The following BLNK variants were observed in gnomAD, a reference collection of about 807,000 sequenced individuals.
The protein encoded by BLNK is B-cell linker protein.
In BLNK, 29 loss-of-function variants were observed where a neutral mutation model predicts 73.5. The ratio of observed to expected loss-of-function variants is 0.39; its 90% CI spans 0.29 to 0.54. The LOEUF is 0.54. Among genes scored for constraint, BLNK ranks in the 20% least tolerant of loss-of-function variants. The pLI, the probability that BLNK is intolerant of heterozygous loss-of-function variation, is 0.61. For missense variants in BLNK, 460 were observed against 562.8 expected, an observed-to-expected ratio of 0.82 and a Z score of 1.85; for synonymous variants, 176 against 200.8, an observed-to-expected ratio of 0.88 and a Z score of 1.04.
In BLNK at chr10:96,207,753, C is replaced by T. The variant is rs1349880286; in HGVS notation, c.774+119G>A. 20 of 1,260,794 alleles carry T rather than the reference C, an allele frequency of 1.6e-5. No homozygotes were observed. In the East Asian group the frequency reaches 1.9e-4, roughly 12 times the overall value. The allele number at this position is 1,260,794 out of a possible 1,614,324, so 78.1% of individuals were successfully genotyped here. ...TTCTCTTGGACTGCTTGGGCAGCAACTTCAGTTGCTAAGATTGCTGTGTTC... is the reference window on the plus strand; with the variant it reads ...TTCTCTTGGACTGCTTGGGCAGCAATTTCAGTTGCTAAGATTGCTGTGTTC... On this transcript the variant is annotated intron_variant, in intron 10 of 16. Transcript: ENST00000224337.
At chr10:96,216,857 T>C (rs919883717) in intron 6 of BLNK, 123 bp from the exon 7 acceptor site, 8 of 824,484 alleles carry the variant, frequency 9.7e-6, no homozygotes, top group Admixed American at 8.0e-5. Flanking sequence ...AATTCTACTA[T>C]GTAAATTGTA....
Position 96,191,892 on chromosome 10 carries a change from T to C in BLNK, c.*81A>G. On this transcript the variant is annotated 3_prime_UTR_variant, in exon 17 of 17. Coordinates refer to ENST00000224337, the MANE Select transcript of BLNK (RefSeq NM_013314.4). ...ACTGGATGATTCATAATCCAAAATA[T>C]GAAGTTTTGGGACTTTTTCTCAAAA... The C allele has an allele frequency of 3.2e-6, 5 of 1,564,304 alleles. No individual in the cohort carries two copies. The highest frequency in any genetic ancestry group is 4.4e-6 in the Non-Finnish European group (5 of 1,138,056).
intron 1 of BLNK, among the ~76,000 whole-genome samples, chr10:96,254,464 G>T (rs1413429229): frequency 6.6e-6 from 1 of 152,108 alleles, no homozygotes; most frequent in African/African-American, 2.4e-5. Context: ...CTAACCCGAG[G>T]AGCTGACTGT....
In BLNK at chr10:96,207,896, T is replaced by C. The variant is rs1328497085; in HGVS notation, c.750A>G (p.Lys250=). 4 of 1,614,026 alleles carry C rather than the reference T, an allele frequency of 2.5e-6. No individual in the cohort carries two copies. The African/African-American group carries it at 5.3e-5, about 22-fold the overall frequency. ...AAPSPLPRAG[K]KPTTPLKTTP... is the part of the protein sequence containing the mutation. ...CTGTCTTCAGTGGTGTCGTTGGTTT[T>C]TTCCTGGGGAATAAAAAGAGATGAG... The change falls in exon 10 of 17, where the codon AAA becomes AAG. Residue 250 remains lysine (K), a synonymous_variant. Transcript: ENST00000224337.
chr10:96,258,863 T>TA (rs1200921092), intron 1 of BLNK, among the ~76,000 whole-genome samples: 30 of 152,304 alleles, frequency 2.0e-4, no homozygotes, highest in African/African-American at 7.2e-4. Flanking sequence ...TATATTATGA[T>TA]AAAAAACACA....
chr10:96,247,971 A>G (rs10882762), intron 1 of BLNK, among the ~76,000 whole-genome samples: 77,916 of 152,052 alleles, frequency 0.51, 20,937 homozygotes, highest in Middle Eastern at 0.68. Context: ...CAGTAAATCT[A>G]TGCTTTCATT....
At chr10:96,235,397 G>T (rs892397082) in intron 3 of BLNK, among the ~76,000 whole-genome samples, 11 of 152,276 alleles carry the variant, frequency 7.2e-5, no homozygotes, top group African/African-American at 2.6e-4. Context: ...TCAGAAATTG[G>T]AGGCTCACTC....
chr10:96,239,536 C>T (rs1554905733), intron 3 of BLNK, among the ~76,000 whole-genome samples: 2 of 152,102 alleles, frequency 1.3e-5, no homozygotes, highest in East Asian at 3.8e-4. Flanking sequence ...TTGAGAGGAC[C>T]ACATGCAATC....
chr10:96,199,364 TG>T lies in BLNK; in HGVS notation c.1095+710del. Reference sequence around the variant, plus strand: ...CATTTACTTCCAGGTATTTTTTGTTTGTTTGTTTGTTTGCCATCTTGACTCA... The same window carrying T: ...CATTTACTTCCAGGTATTTTTTGTTTTTTGTTTGTTTGCCATCTTGACTCA... On this transcript the variant is annotated intron_variant, in intron 15 of 16. Coordinates refer to ENST00000224337, the MANE Select transcript of BLNK (RefSeq NM_013314.4). 1.5e-5 allele frequency: 4 copies of T among 260,682 alleles called. No homozygotes were observed. In the Admixed American group the frequency reaches 1.6e-4, roughly 11 times the overall value. The allele number at this position is 260,682 out of a possible 1,614,324, so 16.1% of individuals were successfully genotyped here. A position where few individuals can be genotyped will look rare whatever the true frequency, so the allele number is the denominator to read the frequency against.
intron 4 of BLNK, among the ~76,000 whole-genome samples, chr10:96,229,510 G>A (rs1252378116): frequency 3.3e-5 from 5 of 152,120 alleles, no homozygotes; most frequent in Non-Finnish European, 7.4e-5. Context: ...TGATTTTGGG[G>A]CAAGTAATTC....
intron 3 of BLNK, among the ~76,000 whole-genome samples, chr10:96,239,470 A>G (rs1842813249): frequency 6.6e-6 from 1 of 152,244 alleles, no homozygotes; most frequent in Admixed American, 6.5e-5. Context: ...TTAGCAATGT[A>G]GAGCCATGAA....
chr10:96,209,019 G>C (rs1449808233), intron 9 of BLNK, among the ~76,000 whole-genome samples: 2 of 152,174 alleles, frequency 1.3e-5, no homozygotes, highest in Non-Finnish European at 2.9e-5. Flanking sequence ...ATAACCTGTT[G>C]AGCCAACATA....
rs782377469 is a variant in BLNK, at chr10:96,227,421, C to A, written c.350G>T (p.Gly117Val). Residue 117 changes from glycine to valine, a missense_variant, in exon 5 of 17, where the codon GGC (glycine) becomes GTC (valine). Gly to Val is a moderately radical substitution (Grantham distance 109). Coordinates refer to ENST00000224337, the MANE Select transcript of BLNK (RefSeq NM_013314.4). ...GCGGGGGACCTCACCTATATACTCGCCTCTGGCGAAGGGCAGGGCTGGGTG... is the reference window on the plus strand; with the variant it reads ...GCGGGGGACCTCACCTATATACTCGACTCTGGCGAAGGGCAGGGCTGGGTG... ...PVHPALPFARGEYIDNRSSQR... is the reference protein window; with the variant it reads ...PVHPALPFARVEYIDNRSSQR... The A allele has an allele frequency of 6.8e-6, 11 of 1,613,996 alleles. No homozygotes were observed.
At chr10:96,237,308 T>C (rs1177509737) in intron 3 of BLNK, among the ~76,000 whole-genome samples, 1 of 151,914 alleles carries the variant, frequency 6.6e-6, no homozygotes, top group Non-Finnish European at 1.5e-5. Context: ...TGTGGGCATT[T>C]ACCCAAGAAT....
chr10:96,257,629 A>G (rs1158330549), intron 1 of BLNK, among the ~76,000 whole-genome samples: 4 of 152,362 alleles, frequency 2.6e-5, no homozygotes, highest in Admixed American at 6.5e-5. Context: ...GATTTTTAAA[A>G]TATTATATTA....
intron 8 of BLNK, 74 bp from the exon 9 acceptor site, chr10:96,209,981 T>A: frequency 6.8e-7 from 1 of 1,466,598 alleles, no homozygotes; most frequent in South Asian, 1.1e-5. Context: ...GGCTGGCCTC[T>A]CTGGCAGGCT....
At position 96,212,217 on chromosome 10, in the gene BLNK, G is replaced by T. The variant is rs80035897; in HGVS notation, c.677-2310C>A. Among the ~76,000 whole-genome samples the T allele has an allele frequency of 5.3e-3, 811 of 152,304 alleles. 11 individuals carry two copies. The highest frequency in any genetic ancestry group is 0.019 in the African/African-American group (792 of 41,550). ...CCTATGGTCTTGCCTCAGGAAGACA[G>T]AGTTCTAGGGAAGGATGGAGCATGA... On this transcript the variant is annotated intron_variant, in intron 8 of 16. Transcript: ENST00000224337.
chr10:96,189,659 T>C lies in BLNK; in HGVS notation c.*2314A>G. 1 of 717,470 alleles carries C rather than the reference T, an allele frequency of 1.4e-6. No individual in the cohort carries two copies. Among genetic ancestry groups the C allele is most frequent in the East Asian group, 2.6e-5 (1 of 38,920 alleles). The allele number at this position is 717,470 out of a possible 1,614,324, so 44.4% of individuals were successfully genotyped here. ...CATTTTTGGCTGGAGTATGTAGATT[T>C]CTTCAATGGTGCTTTTTCTTCAGTT... is the stretch of plus-strand genomic sequence containing the variant. On this transcript the variant is annotated 3_prime_UTR_variant, in exon 17 of 17. Transcript: ENST00000224337.
At chr10:96,201,152 G>GACA in intron 13 of BLNK, 94 bp from the exon 14 acceptor site, 1 of 1,138,096 alleles carries the variant, frequency 8.8e-7, no homozygotes, top group Non-Finnish European at 1.3e-6. Flanking sequence ...TGCTGCCAGG[G>GACA]ACACATCCAC....
Sources: allele counts gnomAD v4.1 joint callset (sites outside exome capture counted in the v4.1 genomes callset), GRCh38; gene constraint gnomAD v4.1.1; transcripts MANE v1.5; gene names NCBI Gene and HGNC (gene_info 2026-07-23, HGNC 2026-07-21).